Variants in CC2D2A observed in about 807,000 individuals in gnomAD.
CC2D2A encodes the protein coiled-coil and C2 domain containing 2A.
Under a neutral mutation model 212.9 loss-of-function variants are expected in CC2D2A, and 155 were observed. That is an observed-to-expected ratio of 0.73 (90% CI 0.64 to 0.83). The LOEUF is 0.83. Among genes scored for constraint, CC2D2A ranks in the 40% least tolerant of loss-of-function variants. The pLI is 0.00. For synonymous variants in CC2D2A, 667 were observed against 686.5 expected (o/e 0.97, Z 0.44); for missense variants, 1,856 against 1,956.2 (o/e 0.95, Z 0.97).
At chr4:15,570,788 T>G (rs1269181171) in intron 28 of CC2D2A, among the ~76,000 whole-genome samples, 1 of 151,428 alleles carries the variant, frequency 6.6e-6, no homozygotes, top group East Asian at 1.9e-4. Flanking sequence ...CCAGGGAGGC[T>G]GAGGCAGGAG....
chr4:15,472,528 G>T lies in CC2D2A; in HGVS notation c.-19+2471G>T, dbSNP rs895488339. Among the ~76,000 whole-genome samples the T allele has an allele frequency of 2.0e-5, 3 of 151,896 alleles. No individual in the cohort carries two copies. In the East Asian group the frequency reaches 5.8e-4, roughly 29 times the overall value. Reference sequence around the variant, plus strand: ...TCATTTAAAGGAAATGATCAGGAAAGAATGAGGAAAAAAGAAAATCCCATT... The same window carrying T: ...TCATTTAAAGGAAATGATCAGGAAATAATGAGGAAAAAAGAAAATCCCATT... On this transcript the variant is annotated intron_variant, in intron 1 of 36. Coordinates refer to ENST00000424120, the MANE Select transcript of CC2D2A (RefSeq NM_001378615.1).
In CC2D2A at chr4:15,580,100, C is replaced by T. The variant is rs1398696429; in HGVS notation, c.3904C>T (p.Arg1302Cys). Residue 1302 changes from arginine to cysteine, a missense_variant, in exon 30 of 37, where the codon CGT becomes TGT. By Grantham distance (180) the Arg-to-Cys change is radical (BLOSUM62 -3). Coordinates refer to ENST00000424120, the MANE Select transcript of CC2D2A (RefSeq NM_001378615.1). Reference sequence around the variant, plus strand: ...AAGCGGAAAAACTGTTTTTATCACACGTTATCTCAAACCTTTAAACCCTCC... The same window carrying T: ...AAGCGGAAAAACTGTTTTTATCACATGTTATCTCAAACCTTTAAACCCTCC... The part of the protein sequence containing the change: ...DISGKTVFIT[R>C]YLKPLNPPQE... 7.4e-6 allele frequency: 12 copies of T among 1,613,902 alleles called. No homozygotes were observed. The highest frequency in any genetic ancestry group is 3.3e-5 in the Admixed American group (2 of 60,020).
At chr4:15,567,824 T>A (rs1187221682) in intron 26 of CC2D2A, 38 bp downstream of exon 26, 1 of 1,408,204 alleles carries the variant, frequency 7.1e-7, no homozygotes, top group African/African-American at 1.5e-5. Flanking sequence ...TATAGGACAT[T>A]TTGAAGAAAT....
chr4:15,560,190 A>G (rs1425939530), intron 22 of CC2D2A, among the ~76,000 whole-genome samples: 1 of 152,174 alleles, frequency 6.6e-6, no homozygotes, highest in Non-Finnish European at 1.5e-5. Flanking sequence ...CTTAAGAATC[A>G]GTTCTTAAGT....
Position 15,536,946 on chromosome 4 carries a change from A to G in CC2D2A, c.1634A>G (p.Glu545Gly). ...GAAAAAGCTGACCAGAAAGCAGATG[A>G]AGAAGCATATGAAGCAGAAATTCAA... ...RKEKADQKAD[E>G]EAYEAEIQAE... The change falls in exon 15 of 37, where the codon GAA becomes GGA. Residue 545 changes from glutamate to glycine, a missense_variant. Glu to Gly is a moderately conservative substitution (Grantham distance 98). Transcript: ENST00000424120. 6.2e-7 allele frequency: 1 copy of G among 1,613,876 alleles called. No individual in the cohort carries two copies.
chr4:15,480,584 G>A, intron 3 of CC2D2A, 120 bp from the exon 4 acceptor site: 13 of 1,111,826 alleles, frequency 1.2e-5, no homozygotes, highest in Non-Finnish European at 1.6e-5. Flanking sequence ...AGAGACTGTG[G>A]TTATCCAGAT....
intron 12 of CC2D2A, among the ~76,000 whole-genome samples, chr4:15,528,269 T>C (rs2109024787): frequency 6.6e-6 from 1 of 152,356 alleles, no homozygotes; most frequent in Admixed American, 6.5e-5. Context: ...ATCACAAGAA[T>C]ACCATCATAT....
At chr4:15,481,673 T>A in intron 4 of CC2D2A, 1 of 539,272 alleles carries the variant, frequency 1.9e-6, no homozygotes, top group Non-Finnish European at 2.4e-6. Flanking sequence ...TTGCACAGTC[T>A]GCAGAACAGT....
chr4:15,500,846 T>C (rs1237045502), intron 4 of CC2D2A, among the ~76,000 whole-genome samples: 1 of 152,072 alleles, frequency 6.6e-6, no homozygotes, highest in Non-Finnish European at 1.5e-5. Flanking sequence ...AGCGTGAGGA[T>C]CCTTCTCTCC....
At chr4:15,521,457 T>C (rs1451054706) in intron 11 of CC2D2A, among the ~76,000 whole-genome samples, 1 of 152,202 alleles carries the variant, frequency 6.6e-6, no homozygotes, top group Non-Finnish European at 1.5e-5. Flanking sequence ...TTTCCATTAT[T>C]CCATGAAATA....
chr4:15,535,353 C>T (rs1270973246), intron 14 of CC2D2A, among the ~76,000 whole-genome samples: 1 of 152,022 alleles, frequency 6.6e-6, no homozygotes, highest in African/African-American at 2.4e-5. Context: ...CTCCCTCCAT[C>T]CCTCCCCTCC....
intron 26 of CC2D2A, 83 bp downstream of exon 26, chr4:15,567,869 T>C: frequency 2.0e-6 from 2 of 978,960 alleles, no homozygotes; most frequent in Non-Finnish European, 3.0e-6. Context: ...ACGGCTAAGG[T>C]GAAGGATTTT....
intron 3 of CC2D2A, among the ~76,000 whole-genome samples, chr4:15,480,040 C>T (rs1162153446): frequency 6.6e-6 from 1 of 152,174 alleles, no homozygotes; most frequent in African/African-American, 2.4e-5. Context: ...CCATCCCGGG[C>T]CATCTATTTA....
At chr4:15,548,495 C>T (rs922932889) in intron 17 of CC2D2A, among the ~76,000 whole-genome samples, 3 of 151,868 alleles carry the variant, frequency 2.0e-5, no homozygotes, top group African/African-American at 7.3e-5. Context: ...CAAGGTACCA[C>T]TCCGAAAGGC....
chr4:15,558,423 G>A (rs999893225), intron 21 of CC2D2A, among the ~76,000 whole-genome samples: 4 of 152,046 alleles, frequency 2.6e-5, no homozygotes, highest in Admixed American at 1.3e-4. Context: ...ATCTAAAAAC[G>A]TGTGAATGGC....
At chr4:15,566,880 T>G (rs893915077) in intron 24 of CC2D2A, among the ~76,000 whole-genome samples, 1 of 151,970 alleles carries the variant, frequency 6.6e-6, no homozygotes, top group Non-Finnish European at 1.5e-5. Flanking sequence ...GAGGCTGAAG[T>G]GGGAGGATCG....
chr4:15,601,401 T>C lies in CC2D2A; in HGVS notation c.4839T>C (p.Val1613=). The change falls in exon 37 of 37, where the codon GTT becomes GTC. Residue 1613 remains valine, a synonymous_variant. Coordinates refer to ENST00000424120, the MANE Select transcript of CC2D2A (RefSeq NM_001378615.1). ...PKNVLSVWIY[V]ASLIRNR is the part of the protein sequence containing the mutation. ...ATGTTTTGTCTGTTTGGATCTATGT[T>C]GCCTCTCTTATACGCAACAGGTAAT... 5 of 1,548,958 alleles carry C rather than the reference T, an allele frequency of 3.2e-6. No homozygotes were observed. Among genetic ancestry groups the C allele is most frequent in the Non-Finnish European group, 4.4e-6 (5 of 1,143,932 alleles).
intron 4 of CC2D2A, among the ~76,000 whole-genome samples, chr4:15,494,887 G>T (rs548525703): frequency 5.4e-4 from 82 of 152,222 alleles, no homozygotes; most frequent in Admixed American, 1.2e-3. Flanking sequence ...AAAACAGAAT[G>T]GTGACTTCAC....
intron 23 of CC2D2A, 70 bp from the exon 24 acceptor site, chr4:15,563,285 G>A (rs1021475641): frequency 1.5e-5 from 22 of 1,451,826 alleles, no homozygotes; most frequent in African/African-American, 2.8e-5. Context: ...GGCAGAGTTC[G>A]GGAAGTCGTC....
Sources: gnomAD v4.1 joint callset for allele counts (sites outside exome capture counted in the v4.1 genomes callset) on GRCh38, gnomAD v4.1.1 for gene constraint, MANE v1.5 for transcripts, NCBI Gene and HGNC (gene_info 2026-07-23, HGNC 2026-07-21) for gene names.